The following CTSH variants were observed in gnomAD, a reference collection of about 807,000 sequenced individuals.
CTSH encodes cathepsin H, also known as pro-cathepsin H.
A neutral mutation model predicts 56.3 loss-of-function variants in CTSH; 52 were observed. That is an observed-to-expected ratio of 0.92 (90% CI 0.74 to 1.16). The LOEUF is 1.16. CTSH is among the 50% of genes most tolerant of loss of function. The pLI, the probability that CTSH is intolerant of heterozygous loss-of-function variation, is 0.00. For missense variants in CTSH, 406 were observed against 424.5 expected, an observed-to-expected ratio of 0.96 and a Z score of 0.38; for synonymous variants, 174 against 155.7, an observed-to-expected ratio of 1.12 and a Z score of -0.88.
intron 2 of CTSH, among the ~76,000 whole-genome samples, chr15:78,938,318 G>A (rs1388148160): frequency 1.3e-5 from 2 of 151,940 alleles, no homozygotes; most frequent in East Asian, 1.9e-4. Context: ...GCAGTGAGCC[G>A]AGAGTGTGCC....
intron 6 of CTSH, chr15:78,932,053 GTAGCTCCTAGTTGGC>G (rs376256493): frequency 8.1e-7 from 1 of 1,235,474 alleles, no homozygotes; most frequent in East Asian, 4.2e-5. Flanking sequence ...TGGGAAGGGT[GTAGCTCCTAGTTGGC>G]TACCCACCAG....
chr15:78,939,222 G>C, intron 1 of CTSH, 51 bp from the exon 2 acceptor site: 1 of 1,479,084 alleles, frequency 6.8e-7, no homozygotes, highest in Non-Finnish European at 9.2e-7. Flanking sequence ...GTAATGTTGA[G>C]TCTATAGCAA....
intron 8 of CTSH, 109 bp downstream of exon 8, chr15:78,929,303 T>C: frequency 1.2e-6 from 1 of 832,842 alleles, no homozygotes; most frequent in Non-Finnish European, 2.0e-6. Flanking sequence ...TTGTGAGAAT[T>C]CCGGCGGGAG....
chr15:78,934,342 A>G (rs2055127947), intron 5 of CTSH, among the ~76,000 whole-genome samples: 1 of 152,220 alleles, frequency 6.6e-6, no homozygotes, highest in Admixed American at 6.5e-5. Flanking sequence ...GAAGAAGGCC[A>G]CGGCAGGTTC....
chr15:78,936,229 C>CTGGAG lies in CTSH; in HGVS notation c.230-484_230-480dup, dbSNP rs2055174394. ...ACAGAGTCTCGCTCTGTCACCCAGG[C>CTGGAG]TGGAGGCAGGGACGCGATCTTGGCT... On this transcript the variant is annotated intron_variant, in intron 3 of 11. Coordinates refer to ENST00000220166, the MANE Select transcript of CTSH (RefSeq NM_004390.5). Among the ~76,000 whole-genome samples, 3 of 138,650 alleles carry CTGGAG rather than the reference C, an allele frequency of 2.2e-5. No homozygotes were observed. In the South Asian group the frequency reaches 6.7e-4, roughly 31 times the overall value. 91.0% of individuals were successfully genotyped at this position (138,650 alleles called of 152,430 possible). A position where few individuals can be genotyped will look rare whatever the true frequency, so the allele number is the denominator to read the frequency against.
Position 78,935,063 on chromosome 15 carries a change from CT to C in CTSH, c.319del (p.Ser107ValfsTer26), listed in dbSNP as rs760107873. ...SEPQNCSATKSNYLRGTGPYP... is the reference protein window; with the variant it reads ...SEPQNCSATKXNYLRGTGPYP... ...GGGACCAGTACCTCGAAGGTAGTTA[CT>C]TTTGGTGGCTGAGCAATTCTGGAAC... On this transcript the variant is annotated frameshift_variant, in exon 5 of 12. Coordinates refer to ENST00000220166, the MANE Select transcript of CTSH (RefSeq NM_004390.5). LOFTEE classifies it high-confidence loss of function. 21 of 1,613,698 alleles carry C rather than the reference CT, an allele frequency of 1.3e-5. No homozygotes were observed. Among genetic ancestry groups the C allele is most frequent in the Non-Finnish European group, 1.8e-5 (21 of 1,179,610 alleles).
intron 6 of CTSH, chr15:78,932,050 G>C: frequency 2.5e-6 from 3 of 1,220,072 alleles, no homozygotes; most frequent in Non-Finnish European, 3.1e-6. Flanking sequence ...TGCTGGGAAG[G>C]GTGTAGCTCC....
Position 78,923,033 on chromosome 15 carries a change from T to C in CTSH, c.892A>G (p.Ile298Val). ...YGEKNGIPYW[I>V]VKNSWGPQWG... Reference sequence around the variant, plus strand: ...TGGGGACCCCAAGAGTTTTTCACGATCCAGTAAGGGATCCCATTTTTTTCT... The same window carrying C: ...TGGGGACCCCAAGAGTTTTTCACGACCCAGTAAGGGATCCCATTTTTTTCT... The change falls in exon 11 of 12, where the codon ATC (isoleucine) becomes GTC (valine). Residue 298 changes from isoleucine (I) to valine (V), a missense_variant. Coordinates refer to ENST00000220166, the MANE Select transcript of CTSH (RefSeq NM_004390.5). 6.2e-7 allele frequency: 1 copy of C among 1,613,124 alleles called. No individual in the cohort carries two copies. Among genetic ancestry groups the C allele is most frequent in the Non-Finnish European group, 8.5e-7 (1 of 1,179,680 alleles).
At chr15:78,939,574 G>A (rs2055245593) in intron 1 of CTSH, among the ~76,000 whole-genome samples, 1 of 152,184 alleles carries the variant, frequency 6.6e-6, no homozygotes, top group Admixed American at 6.5e-5. Flanking sequence ...TTATATTTCG[G>A]TAAGAAGTTA....
At chr15:78,942,208 TTTCC>T (rs1421163929) in intron 1 of CTSH, among the ~76,000 whole-genome samples, 1 of 138,682 alleles carries the variant, frequency 7.2e-6, no homozygotes, top group Non-Finnish European at 1.5e-5. Flanking sequence ...CCTCCCTTTC[TTTCC>T]TTCTTTTTTT....
At chr15:78,923,356 C>T (rs991356102) in intron 10 of CTSH, among the ~76,000 whole-genome samples, 1 of 152,210 alleles carries the variant, frequency 6.6e-6, no homozygotes, top group South Asian at 2.1e-4. Context: ...ATGGTGCAAT[C>T]TCTGCTCACT....
chr15:78,939,421 A>G (rs2055242509), intron 1 of CTSH, among the ~76,000 whole-genome samples: 1 of 152,190 alleles, frequency 6.6e-6, no homozygotes, highest in African/African-American at 2.4e-5. Context: ...GGTTATGCCT[A>G]CTGGGTCGGG....
intron 3 of CTSH, among the ~76,000 whole-genome samples, chr15:78,936,845 T>G (rs1421869060): frequency 1.3e-5 from 2 of 152,124 alleles, no homozygotes; most frequent in Non-Finnish European, 1.5e-5. Context: ...GTTAGGCTGG[T>G]CTTGAACTCC....
At chr15:78,922,761 T>C (rs148657424) in intron 11 of CTSH, among the ~76,000 whole-genome samples, 1 of 152,220 alleles carries the variant, frequency 6.6e-6, no homozygotes, top group Admixed American at 6.5e-5. Context: ...CCAGCTGGCC[T>C]CCTGCTCTCC....
intron 5 of CTSH, chr15:78,933,697 G>T: frequency 3.5e-6 from 1 of 287,154 alleles, no homozygotes; most frequent in East Asian, 8.8e-5. Flanking sequence ...TGGGGCAGGG[G>T]CCTGGTTTTG....
At chr15:78,936,707 G>A (rs752651870) in intron 3 of CTSH, among the ~76,000 whole-genome samples, 20 of 151,412 alleles carry the variant, frequency 1.3e-4, no homozygotes, top group Non-Finnish European at 1.9e-4. Context: ...TCGGCTCACC[G>A]CAACCTCCAC....
In CTSH at chr15:78,944,996, C is replaced by A; in HGVS notation, c.-15G>T. ...GTGGCCCACATCGCAGCGCTGGCGGCTTGGCTCTTGCGCTCAGGGTCCGCG... is the reference window on the plus strand; with the variant it reads ...GTGGCCCACATCGCAGCGCTGGCGGATTGGCTCTTGCGCTCAGGGTCCGCG... On this transcript the variant is annotated 5_prime_UTR_variant, in exon 1 of 12. Coordinates refer to ENST00000220166, the MANE Select transcript of CTSH (RefSeq NM_004390.5). 3 of 1,524,158 alleles carry A rather than the reference C, an allele frequency of 2.0e-6. No homozygotes were observed. Among genetic ancestry groups the A allele is most frequent in the Middle Eastern group, 1.9e-4 (1 of 5,368 alleles). 94.4% of individuals were successfully genotyped at this position (1,524,158 alleles called of 1,614,324 possible).
intron 3 of CTSH, 97 bp from the exon 4 acceptor site, chr15:78,935,847 G>A (rs540408855): frequency 1.2e-5 from 10 of 846,354 alleles, no homozygotes; most frequent in East Asian, 7.7e-5. Flanking sequence ...TACCTGTGTC[G>A]TATTTAGAAC....
In CTSH at chr15:78,925,349, G is replaced by A. The variant is rs117238468; in HGVS notation, c.791C>T (p.Thr264Ile). Residue 264 changes from threonine to isoleucine, a missense_variant, in exon 10 of 12, where the codon ACC becomes ATC. By Grantham distance (89) the Thr-to-Ile change is moderately conservative (BLOSUM62 -1). Coordinates refer to ENST00000220166, the MANE Select transcript of CTSH (RefSeq NM_004390.5). ...CCTGACTCACCTGGAGTAGATGCCG[G>A]TTCTATACATCATGAAGTCCTGAGT... The part of the protein sequence containing the change: ...EVTQDFMMYR[T>I]GIYSSTSCHK... The A allele has an allele frequency of 7.9e-3, 12,694 of 1,611,284 alleles. 1,043 individuals carry two copies. In the Admixed American group the frequency reaches 0.16, roughly 20 times the overall value.
Sources: gnomAD v4.1 joint callset for allele counts (sites outside exome capture counted in the v4.1 genomes callset) on GRCh38, gnomAD v4.1.1 for gene constraint, MANE v1.5 for transcripts, NCBI Gene and HGNC (gene_info 2026-07-23, HGNC 2026-07-21) for gene names.